The following CUX2 variants were observed in gnomAD, a reference collection of about 807,000 sequenced individuals.
CUX2 encodes cut like homeobox 2, also known as homeobox protein cut-like 2.
In CUX2, 40 loss-of-function variants were observed where a neutral mutation model predicts 144.8. The observed-to-expected ratio is 0.28, with a 90% CI of 0.21 to 0.36. The LOEUF (loss-of-function observed/expected upper bound fraction) is 0.36, where lower values mean the gene tolerates loss of function less well. Ranked by LOEUF, CUX2 falls within the 10% of genes least tolerant of loss-of-function variation. The probability of loss-of-function intolerance (pLI) is 1.00; values close to 1 mark genes in which losing one functional copy is unlikely to be tolerated. For missense variants in CUX2, 1,615 were observed against 1,994.0 expected, an observed-to-expected ratio of 0.81 and a Z score of 3.62; for synonymous variants, 827 against 875.6, an observed-to-expected ratio of 0.94 and a Z score of 0.98.
chr12:111,139,791 C>T (rs751999116), intron 1 of CUX2, among the ~76,000 whole-genome samples: 1 of 152,206 alleles, frequency 6.6e-6, no homozygotes, highest in Non-Finnish European at 1.5e-5. Context: ...ACAATTTTCT[C>T]CCAAGAACTG....
At chr12:111,038,485 CTG>C in intron 1 of CUX2, among the ~76,000 whole-genome samples, 1 of 152,374 alleles carries the variant, frequency 6.6e-6, no homozygotes, top group East Asian at 1.9e-4. Context: ...GAAGACAGCT[CTG>C]AGAATAAGAC....
chr12:111,318,600 A>T (rs542326915), intron 16 of CUX2, among the ~76,000 whole-genome samples: 3,393 of 140,746 alleles, frequency 0.024, 220 homozygotes, highest in Admixed American at 0.14. Flanking sequence ...CTCTTTTTTT[A>T]AAAAAAAAAA....
At chr12:111,074,020 A>G in intron 1 of CUX2, among the ~76,000 whole-genome samples, 1 of 151,302 alleles carries the variant, frequency 6.6e-6, no homozygotes, top group African/African-American at 2.5e-5. Context: ...ATCCCATGCA[A>G]TGTTTGGGAT....
In CUX2 at chr12:111,277,772, G is replaced by A. The variant is rs371334041; in HGVS notation, c.302-13646G>A. Among the ~76,000 whole-genome samples, 4 of 152,174 alleles carry A rather than the reference G, an allele frequency of 2.6e-5. No individual in the cohort carries two copies. Among genetic ancestry groups the A allele is most frequent in the Non-Finnish European group, 5.9e-5 (4 of 68,034 alleles). ...CGTAGTGGACTGGTGGCTAAATGACGACTGCATTAGGGACTCTTAGTCACC... is the reference window on the plus strand; with the variant it reads ...CGTAGTGGACTGGTGGCTAAATGACAACTGCATTAGGGACTCTTAGTCACC... On this transcript the variant is annotated intron_variant, in intron 4 of 21. Coordinates refer to ENST00000261726, the MANE Select transcript of CUX2 (RefSeq NM_015267.4). This position sits in a 1 kb window ranked among gnomAD's most constrained non-coding sequence, Gnocchi z 5.0.
chr12:111,123,892 T>C (rs73413568), intron 1 of CUX2, among the ~76,000 whole-genome samples: 22,538 of 152,146 alleles, frequency 0.15, 5,627 homozygotes, highest in African/African-American at 0.51. Flanking sequence ...CCCCTTGTAT[T>C]AATAAGGAAA....
chr12:111,340,797 G>A (rs1888542461), intron 20 of CUX2, among the ~76,000 whole-genome samples: 1 of 152,076 alleles, frequency 6.6e-6, no homozygotes, highest in African/African-American at 2.4e-5. Context: ...TATTTAAGGG[G>A]GTTTTTACCT....
At chr12:111,119,078 T>A (rs1276667559) in intron 1 of CUX2, among the ~76,000 whole-genome samples, 3 of 152,198 alleles carry the variant, frequency 2.0e-5, no homozygotes, top group African/African-American at 7.2e-5. Context: ...TTCCCAACAA[T>A]AATCTGGAAG....
At chr12:111,110,248 A>G (rs1000268887) in intron 1 of CUX2, among the ~76,000 whole-genome samples, 1 of 152,048 alleles carries the variant, frequency 6.6e-6, no homozygotes, top group African/African-American at 2.4e-5. Context: ...TGATCCATCC[A>G]TCCCCAGTTG....
intron 1 of CUX2, among the ~76,000 whole-genome samples, chr12:111,063,969 G>C (rs927358107): frequency 2.0e-5 from 3 of 152,206 alleles, no homozygotes; most frequent in Non-Finnish European, 2.9e-5. Flanking sequence ...CCGGCAAGGT[G>C]GTGGGGACAG....
chr12:111,101,206 G>A (rs376912442), intron 1 of CUX2, among the ~76,000 whole-genome samples: 2 of 152,222 alleles, frequency 1.3e-5, no homozygotes, highest in South Asian at 2.1e-4. Flanking sequence ...AGTGCGGCCC[G>A]GGGGAGGCTG....
At chr12:111,254,706 A>C (rs1468531484) in intron 3 of CUX2, among the ~76,000 whole-genome samples, 1 of 152,228 alleles carries the variant, frequency 6.6e-6, no homozygotes, top group Non-Finnish European at 1.5e-5. Flanking sequence ...TTCAAAATGA[A>C]TTAGTGACTT....
intron 1 of CUX2, among the ~76,000 whole-genome samples, chr12:111,180,032 T>C (rs1307734247): frequency 6.6e-6 from 1 of 152,074 alleles, no homozygotes; most frequent in Non-Finnish European, 1.5e-5. Flanking sequence ...ATGGCACTAG[T>C]CCAGATCCTG....
intron 9 of CUX2, among the ~76,000 whole-genome samples, chr12:111,299,943 A>G (rs1182856504): frequency 6.6e-6 from 1 of 152,160 alleles, no homozygotes; most frequent in Admixed American, 6.5e-5. Context: ...CAGTGGCACA[A>G]TCATGGCTCA....
chr12:111,049,523 C>A (rs1405963699), intron 1 of CUX2, among the ~76,000 whole-genome samples: 1 of 152,248 alleles, frequency 6.6e-6, no homozygotes, highest in African/African-American at 2.4e-5. Flanking sequence ...AGGCTGTACA[C>A]AGAGCTGTGG....
chr12:111,230,447 C>G (rs1392211540), intron 3 of CUX2, among the ~76,000 whole-genome samples: 1 of 152,146 alleles, frequency 6.6e-6, no homozygotes, highest in Non-Finnish European at 1.5e-5. Context: ...CTCCATGTCC[C>G]AGACCTCTAA....
chr12:111,131,604 GA>G (rs1421700353), intron 1 of CUX2, among the ~76,000 whole-genome samples: 1 of 152,316 alleles, frequency 6.6e-6, no homozygotes, highest in East Asian at 1.9e-4. Flanking sequence ...TTACTTCCTA[GA>G]TACAGTGGGG....
intron 1 of CUX2, among the ~76,000 whole-genome samples, chr12:111,105,249 G>A (rs1355941210): frequency 6.6e-6 from 1 of 152,182 alleles, no homozygotes; most frequent in Non-Finnish European, 1.5e-5. Flanking sequence ...AAATATTTGG[G>A]GGTGATTAAA....
intron 3 of CUX2, among the ~76,000 whole-genome samples, chr12:111,225,050 C>T (rs1478620923): frequency 3.3e-5 from 5 of 152,138 alleles, no homozygotes; most frequent in South Asian, 2.1e-4. Context: ...GGACTATAGG[C>T]GCACAACACC....
chr12:111,123,412 G>A (rs1343915040), intron 1 of CUX2, among the ~76,000 whole-genome samples: 1 of 152,032 alleles, frequency 6.6e-6, no homozygotes, highest in Non-Finnish European at 1.5e-5. Context: ...TCAAACTCCT[G>A]GTCTCAAGCA....
Sources: allele counts gnomAD v4.1 joint callset (sites outside exome capture counted in the v4.1 genomes callset), GRCh38; gene constraint gnomAD v4.1.1; non-coding constraint Gnocchi (gnomAD v3.1); transcripts MANE v1.5; gene names NCBI Gene and HGNC (gene_info 2026-07-23, HGNC 2026-07-21).